AMBRA1: variants seen among roughly 807,000 people sequenced by gnomAD.
AMBRA1 encodes the protein activating molecule in BECN1-regulated autophagy protein 1.
A neutral mutation model predicts 125.4 loss-of-function variants in AMBRA1; 47 were observed. The observed-to-expected ratio is 0.37, with a 90% CI of 0.30 to 0.48. The LOEUF (loss-of-function observed/expected upper bound fraction) is 0.48, where lower values mean the gene tolerates loss of function less well. Ranked by LOEUF, AMBRA1 falls within the 20% of genes least tolerant of loss-of-function variation. The probability of loss-of-function intolerance (pLI) is 0.99; values close to 1 mark genes in which losing one functional copy is unlikely to be tolerated. For missense variants in AMBRA1, 1,331 were observed against 1,693.4 expected (o/e 0.79, Z 3.76); for synonymous variants, 626 against 655.5 (o/e 0.95, Z 0.69).
intron 11 of AMBRA1, among the ~76,000 whole-genome samples, chr11:46,462,623 C>T (rs868023207): frequency 1.3e-5 from 2 of 152,030 alleles, no homozygotes; most frequent in African/African-American, 2.4e-5. Flanking sequence ...TAAACACATC[C>T]CTACATTTAA....
intron 17 of AMBRA1, among the ~76,000 whole-genome samples, chr11:46,403,701 A>G (rs376440291): frequency 6.6e-6 from 1 of 152,172 alleles, no homozygotes; most frequent in East Asian, 1.9e-4. Context: ...AAAAAAGCTG[A>G]CGCGTGCAAA....
At chr11:46,570,311 TAGGAGCCCATCCCC>T (rs1339626491) in intron 1 of AMBRA1, among the ~76,000 whole-genome samples, 1 of 144,480 alleles carries the variant, frequency 6.9e-6, no homozygotes, top group Non-Finnish European at 1.5e-5. Context: ...GCAGCTACTC[TAGGAGCCCATCCCC>T]ACTCTAAGTC....
chr11:46,584,133 A>C (rs2044281852), intron 1 of AMBRA1, among the ~76,000 whole-genome samples: 1 of 139,422 alleles, frequency 7.2e-6, no homozygotes, highest in Admixed American at 7.4e-5. Flanking sequence ...CAAATGTCCA[A>C]CAATGATAGA....
At chr11:46,416,911 C>T (rs1023055629) in intron 15 of AMBRA1, among the ~76,000 whole-genome samples, 9 of 152,174 alleles carry the variant, frequency 5.9e-5, no homozygotes, top group African/African-American at 2.2e-4. Context: ...CCCAGCGTCT[C>T]TAATGAATGG....
At position 46,408,568 on chromosome 11, in the gene AMBRA1, T is replaced by C; in HGVS notation, c.3348A>G (p.Thr1116=). 1 of 1,606,444 alleles carries C rather than the reference T, an allele frequency of 6.2e-7. No individual in the cohort carries two copies. The highest frequency in any genetic ancestry group is 8.5e-7 in the Non-Finnish European group (1 of 1,175,398). ...TLALQLQNAE[T]QTEREVPEPG... is the part of the protein sequence containing the mutation. ...GCTCCGGCACCTCCCTCTCAGTCTG[T>C]GTTTCGGCATTCTGCAGCTGAAGGG... Residue 1116 remains threonine (T), a synonymous_variant, in exon 17 of 18, where the codon ACA becomes ACG. Transcript: ENST00000683756.
intron 1 of AMBRA1, among the ~76,000 whole-genome samples, chr11:46,563,566 G>A (rs2043408003): frequency 6.6e-6 from 1 of 152,154 alleles, no homozygotes; most frequent in Admixed American, 6.5e-5. Context: ...TCAGCCAGGT[G>A]CAGTGGCTCA....
At chr11:46,456,199 G>A (rs1242231615) in intron 11 of AMBRA1, among the ~76,000 whole-genome samples, 4 of 152,088 alleles carry the variant, frequency 2.6e-5, no homozygotes, top group East Asian at 1.9e-4. Context: ...TCCAAAAAAC[G>A]TAGTGTTAAG....
intron 1 of AMBRA1, among the ~76,000 whole-genome samples, chr11:46,552,875 G>A (rs2043050121): frequency 6.6e-6 from 1 of 151,800 alleles, no homozygotes; most frequent in African/African-American, 2.4e-5. Flanking sequence ...AATTTTAATA[G>A]GCAAGTTTCT....
At chr11:46,432,536 T>A (rs1947503598) in intron 14 of AMBRA1, among the ~76,000 whole-genome samples, 1 of 152,166 alleles carries the variant, frequency 6.6e-6, no homozygotes. Flanking sequence ...AGTTTTTTTA[T>A]TTAAAACAAA....
rs182483666 is a variant in AMBRA1 at position 46,436,268 on chromosome 11, C to T, written c.2633-1231G>A. Among the ~76,000 whole-genome samples, 21 of 152,274 alleles carry T rather than the reference C, an allele frequency of 1.4e-4. 1 individual carries two copies. The East Asian group carries it at 4.0e-3, about 29-fold the overall frequency. On this transcript the variant is annotated intron_variant, in intron 12 of 17. Transcript: ENST00000683756. ...CAAGGAATTGCTCTTTCAGAGGCCCCCAGGCTTATGTGATCTGATACTTAA... is the reference window on the plus strand; with the variant it reads ...CAAGGAATTGCTCTTTCAGAGGCCCTCAGGCTTATGTGATCTGATACTTAA...
intron 11 of AMBRA1, among the ~76,000 whole-genome samples, chr11:46,460,495 T>C (rs1949052042): frequency 6.6e-6 from 1 of 152,152 alleles, no homozygotes; most frequent in Non-Finnish European, 1.5e-5. Flanking sequence ...CTAATTTTTT[T>C]TGTATTTTTA....
rs1247361582 is a variant in AMBRA1 at position 46,481,312 on chromosome 11, G to A, written c.2521+12296C>T. ...TCTTCTACAGGGCCCTCTTTCTAGG[G>A]GAAAGGATCTGCGACAAGGATATAA... On this transcript the variant is annotated intron_variant, in intron 11 of 17. Transcript: ENST00000683756. Among the ~76,000 whole-genome samples, 3 of 152,118 alleles carry A rather than the reference G, an allele frequency of 2.0e-5. No individual in the cohort carries two copies. In the East Asian group the frequency reaches 5.8e-4, roughly 29 times the overall value.
intron 11 of AMBRA1, among the ~76,000 whole-genome samples, chr11:46,472,218 C>T (rs1644272563): frequency 1.3e-5 from 2 of 152,162 alleles, no homozygotes; most frequent in South Asian, 4.1e-4. Flanking sequence ...CCCAAGGGTG[C>T]CTAGCACAAC....
At position 46,397,464 on chromosome 11, in the gene AMBRA1, G is replaced by C. The variant is rs1945508653; in HGVS notation, c.3883C>G (p.Pro1295Ala). The C allele has an allele frequency of 6.6e-7, 1 of 1,507,346 alleles. No homozygotes were observed. The highest frequency in any genetic ancestry group is 8.9e-7 in the Non-Finnish European group (1 of 1,126,770). 93.4% of individuals were successfully genotyped at this position (1,507,346 alleles called of 1,614,324 possible). A position where few individuals can be genotyped will look rare whatever the true frequency, so the allele number is the denominator to read the frequency against. ...RGDAAGPRGE[P>A]RNR ...AACGTTTGTCTCTACCTGTTCCGTG[G>C]TTCTCCCCTAGGGCCTGCAGCGTCC... The change falls in exon 18 of 18, where the codon CCA becomes GCA. Residue 1295 changes from proline to alanine, a missense_variant. Coordinates refer to ENST00000683756, the MANE Select transcript of AMBRA1 (RefSeq NM_001387011.1).
intron 1 of AMBRA1, among the ~76,000 whole-genome samples, chr11:46,558,177 T>C (rs2043214691): frequency 6.6e-6 from 1 of 152,190 alleles, no homozygotes; most frequent in African/African-American, 2.4e-5. Flanking sequence ...TGAGTAATTA[T>C]GAGACAAAAT....
At chr11:46,442,056 G>A (rs1339139757) in intron 12 of AMBRA1, among the ~76,000 whole-genome samples, 4 of 146,774 alleles carry the variant, frequency 2.7e-5, no homozygotes, top group South Asian at 2.2e-4. Flanking sequence ...CAGCAGCCTC[G>A]ACCTCCTGGG....
At chr11:46,536,356 A>G (rs971314863) in intron 7 of AMBRA1, among the ~76,000 whole-genome samples, 1 of 152,208 alleles carries the variant, frequency 6.6e-6, no homozygotes, top group Admixed American at 6.5e-5. Flanking sequence ...TACACATGCA[A>G]CAAAGAAAAG....
At chr11:46,434,115 C>CAAAAAA (rs145761376) in intron 13 of AMBRA1, among the ~76,000 whole-genome samples, 26 of 53,508 alleles carry the variant, frequency 4.9e-4, no homozygotes, top group East Asian at 5.8e-4. Flanking sequence ...AACTCCGTCT[C>CAAAAAA]AAAAAAAAAA....
intron 1 of AMBRA1, among the ~76,000 whole-genome samples, chr11:46,558,499 A>G (rs1288766958): frequency 7.1e-6 from 1 of 141,626 alleles, no homozygotes; most frequent in Non-Finnish European, 1.5e-5. Flanking sequence ...CAATGAGCTG[A>G]GATCCCACTA....
Sources: allele counts gnomAD v4.1 joint callset (sites outside exome capture counted in the v4.1 genomes callset), GRCh38; gene constraint gnomAD v4.1.1; transcripts MANE v1.5; gene names NCBI Gene and HGNC (gene_info 2026-07-23, HGNC 2026-07-21).